Variants in RABGAP1L observed in about 807,000 individuals in gnomAD.
RABGAP1L encodes RAB GTPase activating protein 1 like, also known as rab GTPase-activating protein 1-like.
A neutral mutation model predicts 137.7 loss-of-function variants in RABGAP1L; 63 were observed. The ratio of observed to expected loss-of-function variants is 0.46; its 90% confidence interval spans 0.37 to 0.56. The LOEUF (loss-of-function observed/expected upper bound fraction) is 0.56. Among genes scored for constraint, RABGAP1L ranks in the 20% least tolerant of loss-of-function variants. The pLI, the probability that RABGAP1L is intolerant of heterozygous loss-of-function variation, is 0.00. For synonymous variants in RABGAP1L, 431 were observed against 433.7 expected (o/e 0.99, Z 0.08); for missense variants, 1,095 against 1,244.0 (o/e 0.88, Z 1.80).
At chr1:174,161,872 G>A (rs1333840066) in intron 1 of RABGAP1L, among the ~76,000 whole-genome samples, 1 of 152,146 alleles carries the variant, frequency 6.6e-6, no homozygotes, top group African/African-American at 2.4e-5. Context: ...GGGACCACAG[G>A]CACATGCCAC....
chr1:174,721,141 T>G (rs1231458347), intron 17 of RABGAP1L, among the ~76,000 whole-genome samples: 2 of 152,232 alleles, frequency 1.3e-5, no homozygotes, highest in African/African-American at 4.8e-5. Flanking sequence ...AAAGGACATG[T>G]GCTTTTTGAT....
intron 14 of RABGAP1L, among the ~76,000 whole-genome samples, chr1:174,653,806 G>C (rs72715274): frequency 6.6e-6 from 1 of 152,322 alleles, no homozygotes; most frequent in Non-Finnish European, 1.5e-5. Context: ...GAGGGAAGAA[G>C]CTATCTCATA....
chr1:174,479,981 CAG>C (rs2149328179), intron 13 of RABGAP1L, among the ~76,000 whole-genome samples: 1 of 152,258 alleles, frequency 6.6e-6, no homozygotes, highest in Non-Finnish European at 1.5e-5. Context: ...ATATAAAATA[CAG>C]AGTTGGTTCT....
chr1:174,552,890 AT>A (rs1280175750), intron 13 of RABGAP1L, among the ~76,000 whole-genome samples: 1 of 152,044 alleles, frequency 6.6e-6, no homozygotes, highest in East Asian at 1.9e-4. Flanking sequence ...AGCATCTGTT[AT>A]TTTTTGACTT....
At chr1:174,243,495 T>C (rs1672000510) in intron 5 of RABGAP1L, among the ~76,000 whole-genome samples, 2 of 151,966 alleles carry the variant, frequency 1.3e-5, no homozygotes, top group Admixed American at 1.3e-4. Context: ...TTAAACCTTA[T>C]TATGAGACAT....
intron 11 of RABGAP1L, among the ~76,000 whole-genome samples, chr1:174,338,894 G>C (rs1050472097): frequency 6.6e-6 from 1 of 152,090 alleles, no homozygotes; most frequent in Non-Finnish European, 1.5e-5. Flanking sequence ...AAAAAAAGAA[G>C]AAAAGTGTGT....
intron 17 of RABGAP1L, among the ~76,000 whole-genome samples, chr1:174,716,609 G>A (rs1302513710): frequency 6.6e-6 from 1 of 152,060 alleles, no homozygotes; most frequent in Non-Finnish European, 1.5e-5. Context: ...TACTTTTTGG[G>A]TTGTCTCACC....
intron 13 of RABGAP1L, among the ~76,000 whole-genome samples, chr1:174,499,132 T>C (rs895163181): frequency 1.7e-4 from 26 of 152,226 alleles, no homozygotes; most frequent in East Asian, 1.9e-4. Flanking sequence ...TTATGCAAAA[T>C]TGCTACCACA....
intron 19 of RABGAP1L, among the ~76,000 whole-genome samples, chr1:174,903,763 C>G (rs1658532568): frequency 6.6e-6 from 1 of 152,012 alleles, no homozygotes; most frequent in African/African-American, 2.4e-5. Context: ...CCAGCCTGAC[C>G]AACATGGAGA....
At chr1:174,818,209 AG>A (rs1191882872) in intron 19 of RABGAP1L, among the ~76,000 whole-genome samples, 4 of 152,214 alleles carry the variant, frequency 2.6e-5, no homozygotes, top group Non-Finnish European at 4.4e-5. Flanking sequence ...GGTGGAGGAT[AG>A]ATGCATTCAC....
At chr1:174,856,695 G>C (rs1347968950) in intron 19 of RABGAP1L, among the ~76,000 whole-genome samples, 1 of 152,070 alleles carries the variant, frequency 6.6e-6, no homozygotes, top group Non-Finnish European at 1.5e-5. Context: ...GGGAGGCTGA[G>C]GTGGGCAGAT....
intron 13 of RABGAP1L, among the ~76,000 whole-genome samples, 154 bp downstream of exon 13, chr1:174,394,299 T>G (rs1647549821): frequency 6.6e-6 from 1 of 152,224 alleles, no homozygotes; most frequent in African/African-American, 2.4e-5. Context: ...TCTGAACACT[T>G]GTAGTGGTAA....
intron 17 of RABGAP1L, among the ~76,000 whole-genome samples, chr1:174,715,537 C>G (rs1680925575): frequency 6.6e-6 from 1 of 152,204 alleles, no homozygotes; most frequent in Non-Finnish European, 1.5e-5. Context: ...ATTTACATAC[C>G]TTGTCACACT....
intron 13 of RABGAP1L, among the ~76,000 whole-genome samples, chr1:174,403,303 G>C (rs1427238593): frequency 6.6e-6 from 1 of 150,380 alleles, no homozygotes; most frequent in Non-Finnish European, 1.5e-5. Context: ...TTAAGAGACA[G>C]GGTCTCACCA....
At chr1:174,503,550 A>G (rs1357897204) in intron 13 of RABGAP1L, among the ~76,000 whole-genome samples, 2 of 150,650 alleles carry the variant, frequency 1.3e-5, no homozygotes, top group East Asian at 2.0e-4. Flanking sequence ...AGTCCCAGCT[A>G]CTGGGGAGGC....
chr1:174,310,965 T>A (rs1678775045), intron 11 of RABGAP1L, among the ~76,000 whole-genome samples: 1 of 152,166 alleles, frequency 6.6e-6, no homozygotes, highest in African/African-American at 2.4e-5. Context: ...ACTATAGTCA[T>A]CCTGTGTGCT....
At chr1:174,942,463 G>C (rs1666051019) in intron 19 of RABGAP1L, among the ~76,000 whole-genome samples, 1 of 152,186 alleles carries the variant, frequency 6.6e-6, no homozygotes, top group African/African-American at 2.4e-5. Flanking sequence ...TTAGTAAGAT[G>C]ATAGTATAGT....
chr1:174,589,750 T>A (rs774584369), intron 13 of RABGAP1L, among the ~76,000 whole-genome samples: 10 of 152,188 alleles, frequency 6.6e-5, no homozygotes, highest in Non-Finnish European at 1.3e-4. Flanking sequence ...TGGCATGTTG[T>A]CAAAAATGAG....
At chr1:174,406,110 A>G (rs1157782617) in intron 13 of RABGAP1L, among the ~76,000 whole-genome samples, 1 of 152,166 alleles carries the variant, frequency 6.6e-6, no homozygotes. Flanking sequence ...ATTTTTTTAC[A>G]GAATAATTTA....
Sources: allele counts gnomAD v4.1 joint callset (sites outside exome capture counted in the v4.1 genomes callset), GRCh38; gene constraint gnomAD v4.1.1; transcripts MANE v1.5; gene names NCBI Gene and HGNC (gene_info 2026-07-23, HGNC 2026-07-21).